The following DNAI2 variants were observed in gnomAD, a reference collection of about 807,000 sequenced individuals.
DNAI2 encodes dynein, axonemal, intermediate polypeptide 2.
DNAI2 carries 63 observed loss-of-function variants against 74.7 expected under a neutral mutation model. The observed-to-expected ratio is 0.84, with a 90% confidence interval of 0.69 to 1.04. DNAI2 has a LOEUF of 1.04. Ranked by LOEUF, DNAI2 falls within the 50% of genes least tolerant of loss-of-function variation. The pLI is 0.00. For synonymous variants in DNAI2, 289 were observed against 314.9 expected (o/e 0.92, Z 0.87); for missense variants, 688 against 803.2 (o/e 0.86, Z 1.73).
intron 4 of DNAI2, among the ~76,000 whole-genome samples, chr17:74,288,544 T>C (rs982886195): frequency 6.6e-6 from 1 of 152,222 alleles, no homozygotes; most frequent in Admixed American, 6.5e-5. Context: ...GGAACTGTGA[T>C]AGAATCAATT....
At chr17:74,291,411 A>C (rs1411117830) in intron 6 of DNAI2, among the ~76,000 whole-genome samples, 1 of 152,068 alleles carries the variant, frequency 6.6e-6, no homozygotes, top group South Asian at 2.1e-4. Flanking sequence ...TGATTCACCC[A>C]CCTGGGCCTC....
chr17:74,288,019 A>G (rs969328152), intron 4 of DNAI2, among the ~76,000 whole-genome samples: 2 of 151,730 alleles, frequency 1.3e-5, no homozygotes, highest in African/African-American at 4.8e-5. Flanking sequence ...AGGATTCAGT[A>G]TGTGAAAACC....
chr17:74,281,859 C>G lies in DNAI2; in HGVS notation c.42C>G (p.Phe14Leu), dbSNP rs1305282590. Residue 14 changes from phenylalanine (F) to leucine (L), a missense_variant, in exon 2 of 14, where the codon TTC becomes TTG. By Grantham distance (22) the Phe-to-Leu change is conservative. Transcript: ENST00000311014. Reference protein sequence around the residue: ...VYVYVKKRSEFGKQCNFSDRQ... With the variant: ...VYVYVKKRSELGKQCNFSDRQ... The stretch of plus-strand genomic sequence containing the variant: ...TGTACGTCAAGAAGCGCAGCGAGTT[C>G]GGGAAGCAGTGCAATTTCTCGGACC... The G allele has an allele frequency of 5.0e-6, 8 of 1,613,972 alleles. No individual in the cohort carries two copies. In the Admixed American group the frequency reaches 5.0e-5, roughly 10 times the overall value.
chr17:74,284,070 G>A (rs369484279), intron 2 of DNAI2, among the ~76,000 whole-genome samples: 3 of 150,482 alleles, frequency 2.0e-5, no homozygotes, highest in African/African-American at 4.9e-5. Flanking sequence ...TCCAGGAGGC[G>A]AAGGTTGCAG....
chr17:74,286,392 T>G (rs561813814), intron 3 of DNAI2, among the ~76,000 whole-genome samples: 1 of 151,988 alleles, frequency 6.6e-6, no homozygotes, highest in East Asian at 1.9e-4. Flanking sequence ...TTGGCCTTCA[T>G]GTTTTTTCTA....
chr17:74,314,381 C>G lies in DNAI2; in HGVS notation c.*55+110C>G, dbSNP rs1345746982. On this transcript the variant is annotated intron_variant, in intron 13 of 13. Coordinates refer to ENST00000311014, the MANE Select transcript of DNAI2 (RefSeq NM_023036.6). ...TCCCCAGCCCCTACAAATCACTAGC[C>G]CCCACTGACTCACTGGGCACTGAGT... 3 of 1,392,654 alleles carry G rather than the reference C, an allele frequency of 2.2e-6. No individual in the cohort carries two copies. In the East Asian group the frequency reaches 7.4e-5, roughly 35 times the overall value. 86.3% of individuals were successfully genotyped at this position (1,392,654 alleles called of 1,614,324 possible). A position where few individuals can be genotyped will look rare whatever the true frequency, so the allele number is the denominator to read the frequency against.
chr17:74,309,288 GC>G lies in DNAI2; in HGVS notation c.1251del (p.Val418Ter). The G allele has an allele frequency of 6.2e-7, 1 of 1,614,072 alleles. No individual in the cohort carries two copies. The highest frequency in any genetic ancestry group is 8.5e-7 in the Non-Finnish European group (1 of 1,180,002). ...GCTTACCTCACTGATGCTGCCTGGA[GC>G]CCCGTGAGGCCGACCGTTTTCTTTA... ...HMAYLTDAAW[S>X]PVRPTVFFTT... On this transcript the variant is annotated frameshift_variant, in exon 10 of 14. Coordinates refer to ENST00000311014, the MANE Select transcript of DNAI2 (RefSeq NM_023036.6). LOFTEE classifies it high-confidence loss of function.
At chr17:74,305,670 CTTTTTTTTTTTT>C (rs4007906) in intron 9 of DNAI2, among the ~76,000 whole-genome samples, 3 of 122,248 alleles carry the variant, frequency 2.5e-5, no homozygotes, top group African/African-American at 3.5e-5. Context: ...ATTTTATTTC[CTTTTTTTTTTTT>C]TTTTTTTTTT....
At chr17:74,309,863 A>G in intron 10 of DNAI2, 154 bp from the exon 11 acceptor site, 1 of 959,360 alleles carries the variant, frequency 1.0e-6, no homozygotes, top group Non-Finnish European at 1.6e-6. Context: ...CTTGACAACC[A>G]GTCTCCGAGT....
chr17:74,283,679 G>A (rs1247260432), intron 2 of DNAI2, among the ~76,000 whole-genome samples: 2 of 151,578 alleles, frequency 1.3e-5, no homozygotes, highest in Admixed American at 6.6e-5. Flanking sequence ...AGAGGCGAGA[G>A]GATCACTTCC....
chr17:74,314,007 AC>A, intron 12 of DNAI2, 113 bp from the exon 13 acceptor site: 4 of 1,580,146 alleles, frequency 2.5e-6, no homozygotes, highest in Non-Finnish European at 3.5e-6. Flanking sequence ...GTGCTCAGCG[AC>A]CCAGGCTTCA....
At position 74,281,922 on chromosome 17, in the gene DNAI2, T is replaced by C; in HGVS notation, c.105T>C (p.Pro35=). 1 of 1,614,072 alleles carries C rather than the reference T, an allele frequency of 6.2e-7. No homozygotes were observed. Among genetic ancestry groups the C allele is most frequent in the East Asian group, 2.2e-5 (1 of 44,872 alleles). ...AELNIDIMPN[P]ELAEQFVERN... ...TGAACATCGACATCATGCCCAACCCTGAGCTGGCCGAGCAGTTCGTGGAGC... is the reference window on the plus strand; with the variant it reads ...TGAACATCGACATCATGCCCAACCCCGAGCTGGCCGAGCAGTTCGTGGAGC... Residue 35 remains proline (P), a synonymous_variant, in exon 2 of 14, where the codon CCT becomes CCC. Coordinates refer to ENST00000311014, the MANE Select transcript of DNAI2 (RefSeq NM_023036.6).
At chr17:74,312,363 A>C in intron 12 of DNAI2, 133 bp downstream of exon 12, 2 of 695,780 alleles carry the variant, frequency 2.9e-6, no homozygotes, top group Admixed American at 5.1e-5. Flanking sequence ...TAATTTATTC[A>C]CCTGGCAAGT....
intron 12 of DNAI2, among the ~76,000 whole-genome samples, chr17:74,312,474 C>T (rs1476718149): frequency 2.0e-5 from 3 of 152,150 alleles, no homozygotes; most frequent in African/African-American, 7.2e-5. Flanking sequence ...TGGTATCCTC[C>T]CCTCCCCCCA....
rs1368400659 is a variant in DNAI2 at position 74,312,248 on chromosome 17, G to A, written c.1722+18G>A. 3.6e-6 allele frequency: 2 copies of A among 558,252 alleles called. No homozygotes were observed. Among genetic ancestry groups the A allele is most frequent in the Non-Finnish European group, 7.2e-6 (2 of 279,324 alleles). The allele number at this position is 558,252 out of a possible 1,614,324, so 34.6% of individuals were successfully genotyped here. A position where few individuals can be genotyped will look rare whatever the true frequency, so the allele number is the denominator to read the frequency against. ...CAGTGCCTGTAGGGGCCTGGACAGG[G>A]GTTGGGTGGGTTGGGGACTGGGCGG... On this transcript the variant is annotated intron_variant, in intron 12 of 13. Transcript: ENST00000311014.
chr17:74,308,087 C>T (rs181705917), intron 9 of DNAI2, among the ~76,000 whole-genome samples: 30 of 152,294 alleles, frequency 2.0e-4, no homozygotes, highest in Non-Finnish European at 4.0e-4. Context: ...CATGAGCCAC[C>T]GCGCCCGGCC....
intron 2 of DNAI2, among the ~76,000 whole-genome samples, chr17:74,284,774 A>G (rs779363755): frequency 2.6e-5 from 4 of 152,176 alleles, no homozygotes; most frequent in African/African-American, 4.8e-5. Context: ...GGTCCATTAG[A>G]ATTCAGATAA....
chr17:74,299,110 A>C (rs117101427), intron 6 of DNAI2, among the ~76,000 whole-genome samples: 7 of 152,282 alleles, frequency 4.6e-5, no homozygotes, highest in African/African-American at 1.7e-4. Context: ...GGAAAATGGA[A>C]ACGAAATCTA....
chr17:74,280,926 A>G (rs2051352011), intron 1 of DNAI2, among the ~76,000 whole-genome samples: 1 of 151,666 alleles, frequency 6.6e-6, no homozygotes, highest in African/African-American at 2.4e-5. Flanking sequence ...ATCTCTACAA[A>G]ACAATACAAA....
Sources: gnomAD v4.1 joint callset for allele counts (sites outside exome capture counted in the v4.1 genomes callset) on GRCh38, gnomAD v4.1.1 for gene constraint, MANE v1.5 for transcripts, NCBI Gene and HGNC (gene_info 2026-07-23, HGNC 2026-07-21) for gene names.